Variants in TTC23 observed in about 807,000 individuals in gnomAD.
The protein encoded by TTC23 is tetratricopeptide repeat protein 23.
A neutral mutation model predicts 55.1 loss-of-function variants in TTC23; 58 were observed. That is an observed-to-expected ratio of 1.05 (90% CI 0.85 to 1.31). The LOEUF (loss-of-function observed/expected upper bound fraction) is 1.31. TTC23 is among the 50% of genes most tolerant of loss of function. The probability of loss-of-function intolerance (pLI) is 0.00; values close to 1 mark genes in which losing one functional copy is unlikely to be tolerated. For synonymous variants in TTC23, 203 were observed against 199.9 expected (o/e 1.02, Z -0.13); for missense variants, 516 against 534.4 (o/e 0.97, Z 0.34).
At chr15:99,222,749 G>C (rs1288370906) in intron 5 of TTC23, among the ~76,000 whole-genome samples, 1 of 152,158 alleles carries the variant, frequency 6.6e-6, no homozygotes, top group Non-Finnish European at 1.5e-5. Context: ...TGTAATCCCA[G>C]CACTTTGGGA....
intron 4 of TTC23, among the ~76,000 whole-genome samples, chr15:99,230,376 A>G (rs778013404): frequency 4.6e-5 from 7 of 152,172 alleles, no homozygotes; most frequent in Non-Finnish European, 8.8e-5. Context: ...AAGTTGCCTA[A>G]TATATATGTC....
intron 8 of TTC23, among the ~76,000 whole-genome samples, chr15:99,201,403 A>C (rs1163589772): frequency 6.6e-6 from 1 of 152,064 alleles, no homozygotes; most frequent in Admixed American, 6.5e-5. Context: ...GTTGCCCTCC[A>C]CTCCAGAACT....
At chr15:99,209,948 G>C (rs942409481) in intron 8 of TTC23, among the ~76,000 whole-genome samples, 2 of 152,028 alleles carry the variant, frequency 1.3e-5, no homozygotes, top group Non-Finnish European at 2.9e-5. Flanking sequence ...TTTGAGACAG[G>C]GTTTTGCCAT....
Position 99,138,146 on chromosome 15 carries a change from T to G in TTC23, c.1227-19A>C, listed in dbSNP as rs782269207. On this transcript the variant is annotated intron_variant, in intron 13 of 13. Coordinates refer to ENST00000394132, the MANE Select transcript of TTC23 (RefSeq NM_001288615.3). Reference sequence around the variant, plus strand: ...GGGGGCCCTGCAGACAAGCAGAGGGTGGGGTGAGTGTGGTGCCCCTCAGCC... The same window carrying G: ...GGGGGCCCTGCAGACAAGCAGAGGGGGGGGTGAGTGTGGTGCCCCTCAGCC... The G allele has an allele frequency of 1.6e-5, 26 of 1,611,130 alleles. No individual in the cohort carries two copies. Among genetic ancestry groups the G allele is most frequent in the East Asian group, 2.2e-5 (1 of 44,868 alleles).
At chr15:99,193,210 T>C (rs1460135615) in intron 9 of TTC23, among the ~76,000 whole-genome samples, 1 of 152,160 alleles carries the variant, frequency 6.6e-6, no homozygotes, top group Non-Finnish European at 1.5e-5. Context: ...GGTGAGACTT[T>C]GGAGGACTGT....
intron 9 of TTC23, among the ~76,000 whole-genome samples, chr15:99,196,021 A>G (rs2623187): frequency 0.63 from 95,584 of 151,668 alleles, 30,658 homozygotes; most frequent in African/African-American, 0.74. Flanking sequence ...GCATGGTGGC[A>G]CACGCCTGTA....
chr15:99,243,148 C>G (rs974084172), intron 2 of TTC23, among the ~76,000 whole-genome samples: 1 of 151,762 alleles, frequency 6.6e-6, no homozygotes, highest in Non-Finnish European at 1.5e-5. Context: ...TAAACAAAAC[C>G]CAATAGGAAA....
intron 13 of TTC23, 111 bp from the exon 14 acceptor site, chr15:99,138,238 G>A: frequency 7.7e-7 from 1 of 1,302,754 alleles, no homozygotes; most frequent in Middle Eastern, 2.7e-4. Flanking sequence ...GAGAAGACTT[G>A]GTAGGGGCTA....
At chr15:99,191,811 T>C (rs1442299443) in intron 9 of TTC23, among the ~76,000 whole-genome samples, 1 of 151,752 alleles carries the variant, frequency 6.6e-6, no homozygotes, top group Non-Finnish European at 1.5e-5. Context: ...CAGGCAGAGG[T>C]TGGAACAGTT....
At chr15:99,199,593 G>A (rs2076034787) in intron 9 of TTC23, among the ~76,000 whole-genome samples, 1 of 150,890 alleles carries the variant, frequency 6.6e-6, no homozygotes, top group Admixed American at 6.6e-5. Flanking sequence ...GTGGCTTCAG[G>A]TGAAGACTTT....
intron 10 of TTC23, among the ~76,000 whole-genome samples, chr15:99,174,146 T>A (rs2073261923): frequency 6.6e-6 from 1 of 152,104 alleles, no homozygotes; most frequent in African/African-American, 2.4e-5. Context: ...ATCTGCAAGG[T>A]GTGATGGACA....
intron 9 of TTC23, among the ~76,000 whole-genome samples, chr15:99,182,631 T>C (rs2074261511): frequency 6.6e-6 from 1 of 152,256 alleles, no homozygotes; most frequent in Middle Eastern, 3.4e-3. Context: ...TCCTTTCTCT[T>C]TTTTTTCTCT....
chr15:99,227,969 C>A (rs2078601193), intron 5 of TTC23, among the ~76,000 whole-genome samples: 2 of 152,324 alleles, frequency 1.3e-5, no homozygotes, highest in South Asian at 4.1e-4. Flanking sequence ...AACCTGACTA[C>A]CATTATCTGT....
chr15:99,143,980 G>A (rs2068534686), intron 12 of TTC23, among the ~76,000 whole-genome samples: 2 of 152,146 alleles, frequency 1.3e-5, no homozygotes, highest in Admixed American at 1.3e-4. Flanking sequence ...TGGCTCATCA[G>A]TTACTAAAAC....
rs1774317378 is a variant in TTC23 at position 99,199,836 on chromosome 15, A to AT, written c.759+82dup. 11 of 1,375,518 alleles carry AT rather than the reference A, an allele frequency of 8.0e-6. No individual in the cohort carries two copies. The South Asian group carries it at 1.5e-4, about 19-fold the overall frequency. The allele number at this position is 1,375,518 out of a possible 1,614,324, so 85.2% of individuals were successfully genotyped here. ...TCTAGAGCAAATGACAAAGCCAGGCATTTTCAGAGCTGCTGTGCCACTTGT... is the reference window on the plus strand; with the variant it reads ...TCTAGAGCAAATGACAAAGCCAGGCATTTTTCAGAGCTGCTGTGCCACTTGT... On this transcript the variant is annotated intron_variant, in intron 9 of 13. Transcript: ENST00000394132.
In TTC23 at chr15:99,137,821, A is replaced by T; in HGVS notation, c.*189T>A. ...CTGCTTTATAGCATATATCACCCTGAAGGGCATCCACTGTCAAAATGTGGC... is the reference window on the plus strand; with the variant it reads ...CTGCTTTATAGCATATATCACCCTGTAGGGCATCCACTGTCAAAATGTGGC... On this transcript the variant is annotated 3_prime_UTR_variant, in exon 14 of 14. Coordinates refer to ENST00000394132, the MANE Select transcript of TTC23 (RefSeq NM_001288615.3). 2 of 873,460 alleles carry T rather than the reference A, an allele frequency of 2.3e-6. No individual in the cohort carries two copies. The highest frequency in any genetic ancestry group is 3.4e-6 in the Non-Finnish European group (2 of 586,250). The allele number at this position is 873,460 out of a possible 1,614,324, so 54.1% of individuals were successfully genotyped here.
chr15:99,169,029 A>C (rs1443408599), intron 10 of TTC23, among the ~76,000 whole-genome samples: 12 of 152,186 alleles, frequency 7.9e-5, no homozygotes, highest in Admixed American at 7.9e-4. Context: ...GTTTCTGAGA[A>C]GGGATCCTCC....
At chr15:99,140,159 C>G (rs1555489629) in intron 12 of TTC23, 1 of 161,844 alleles carries the variant, frequency 6.2e-6, no homozygotes, top group African/African-American at 2.4e-5. Flanking sequence ...GCAGAGAGCC[C>G]AAGCCTTGAC....
rs187512052 is a variant in TTC23 at position 99,227,326 on chromosome 15, T to G, written c.180+1207A>C. 2.4e-3 allele frequency among the ~76,000 whole-genome samples: 369 copies of G among 152,290 alleles called. 1 individual carries two copies. The highest frequency in any genetic ancestry group is 8.4e-3 in the African/African-American group (350 of 41,564). ...TCACATCTCCATTCCCTATGTCCCC[T>G]CAGTCATCCAGTCCTGTCCCACTGA... On this transcript the variant is annotated intron_variant, in intron 5 of 13. Coordinates refer to ENST00000394132, the MANE Select transcript of TTC23 (RefSeq NM_001288615.3).
Sources: allele counts gnomAD v4.1 joint callset (sites outside exome capture counted in the v4.1 genomes callset), GRCh38; gene constraint gnomAD v4.1.1; transcripts MANE v1.5; gene names NCBI Gene and HGNC (gene_info 2026-07-23, HGNC 2026-07-21).